Variants in PTN observed in about 807,000 individuals in gnomAD.
PTN encodes the protein pleiotrophin, also known as heparin affin regulatory protein.
PTN carries 18 observed loss-of-function variants against 24.1 expected under a neutral mutation model. The ratio of observed to expected loss-of-function variants is 0.75; its 90% CI spans 0.52 to 1.11. The LOEUF is 1.11. Ranked by LOEUF, PTN falls within the 50% of genes least tolerant of loss-of-function variation. PTN has a pLI of 0.00. For synonymous variants in PTN, 78 were observed against 68.6 expected (o/e 1.14, Z -0.67); for missense variants, 163 against 198.8 (o/e 0.82, Z 1.08).
At chr7:137,228,164 T>C in intron 4 of PTN, 89 bp from the exon 5 acceptor site, 2 of 817,288 alleles carry the variant, frequency 2.4e-6, no homozygotes, top group Non-Finnish European at 4.1e-6. Flanking sequence ...ACATTTCTTA[T>C]AATTGACCAG....
At chr7:137,313,114 T>C (rs1486697339) in intron 1 of PTN, among the ~76,000 whole-genome samples, 2 of 151,964 alleles carry the variant, frequency 1.3e-5, no homozygotes, top group African/African-American at 4.8e-5. Flanking sequence ...TGAGCCCTCC[T>C]GGCAGCCCTC....
chr7:137,239,296 T>C lies in PTN; in HGVS notation c.452-11221A>G, dbSNP rs192903661. Among the ~76,000 whole-genome samples the C allele has an allele frequency of 1.8e-4, 27 of 152,380 alleles. 1 individual carries two copies. Among genetic ancestry groups the C allele is most frequent in the Admixed American group, 1.4e-3 (22 of 15,296 alleles). On this transcript the variant is annotated intron_variant, in intron 4 of 4. Coordinates refer to ENST00000348225, the MANE Select transcript of PTN (RefSeq NM_002825.7). ...GCTAGACCAGGACAATTTAGTTGGA[T>C]ACATCATTCATTCATTCAAGTCAGT...
chr7:137,306,025 A>C (rs1438234430), intron 1 of PTN, among the ~76,000 whole-genome samples: 2 of 152,088 alleles, frequency 1.3e-5, no homozygotes, highest in African/African-American at 4.8e-5. Context: ...TCATGAAAAG[A>C]ACCCAAAAAG....
chr7:137,324,433 A>AAAAAAAAAAAAAAAAAAAATAT, intron 1 of PTN, among the ~76,000 whole-genome samples: 2 of 88,804 alleles, frequency 2.3e-5, no homozygotes, highest in African/African-American at 1.4e-4. Context: ...AAAAAAAAAA[A>AAAAAAAAAAAAAAAAAAAATAT]ATATATATAT....
At chr7:137,267,424 G>A (rs942079311) in intron 1 of PTN, among the ~76,000 whole-genome samples, 2 of 152,078 alleles carry the variant, frequency 1.3e-5, no homozygotes, top group African/African-American at 4.8e-5. Flanking sequence ...AAAACCAGCT[G>A]TAACTGTCTA....
chr7:137,281,680 T>C (rs1809476917), intron 1 of PTN, among the ~76,000 whole-genome samples: 1 of 152,234 alleles, frequency 6.6e-6, no homozygotes, highest in Admixed American at 6.5e-5. Context: ...CATTTGGTAA[T>C]TATTTGCTAA....
intron 4 of PTN, among the ~76,000 whole-genome samples, chr7:137,232,015 G>A (rs1808435012): frequency 6.6e-6 from 1 of 151,894 alleles, no homozygotes; most frequent in Non-Finnish European, 1.5e-5. Context: ...TCATATAGCG[G>A]CTACTCTAGA....
At chr7:137,310,847 T>C (rs1809969883) in intron 1 of PTN, among the ~76,000 whole-genome samples, 2 of 152,340 alleles carry the variant, frequency 1.3e-5, no homozygotes, top group Admixed American at 6.5e-5. Context: ...TTTTATATTA[T>C]GGAGATGGTT....
intron 1 of PTN, among the ~76,000 whole-genome samples, chr7:137,259,174 TTATC>T (rs972476710): frequency 1.3e-5 from 2 of 152,140 alleles, no homozygotes; most frequent in African/African-American, 2.4e-5. Context: ...GAGAATGTGT[TTATC>T]TATTAAATCT....
At chr7:137,334,895 G>C (rs1006084581) in intron 1 of PTN, among the ~76,000 whole-genome samples, 1 of 151,788 alleles carries the variant, frequency 6.6e-6, no homozygotes, top group Non-Finnish European at 1.5e-5. Context: ...CCTTTGTAGG[G>C]ACATGGATGA....
intron 3 of PTN, among the ~76,000 whole-genome samples, chr7:137,251,818 T>G (rs939312137): frequency 6.6e-6 from 1 of 151,898 alleles, no homozygotes; most frequent in Non-Finnish European, 1.5e-5. Context: ...GCTTTTTTAT[T>G]TAGCATAATT....
chr7:137,262,427 T>C (rs1241293567), intron 1 of PTN, among the ~76,000 whole-genome samples: 1 of 152,190 alleles, frequency 6.6e-6, no homozygotes, highest in Non-Finnish European at 1.5e-5. Context: ...TTGCTGAGTT[T>C]TCTAATTATA....
At chr7:137,271,515 G>A (rs368829476) in intron 1 of PTN, among the ~76,000 whole-genome samples, 8 of 152,272 alleles carry the variant, frequency 5.3e-5, no homozygotes, top group East Asian at 1.9e-4. Flanking sequence ...ACAAGTATTC[G>A]AAGGAAATAC....
intron 4 of PTN, among the ~76,000 whole-genome samples, chr7:137,239,387 T>TTTAG (rs933299445): frequency 4.5e-5 from 5 of 110,484 alleles, no homozygotes; most frequent in Admixed American, 2.0e-4. Flanking sequence ...TATTTATTTA[T>TTTAG]TTATTTATTT....
chr7:137,295,519 TCCGAA>T (rs1269523340), intron 1 of PTN, among the ~76,000 whole-genome samples: 5 of 151,992 alleles, frequency 3.3e-5, no homozygotes, highest in Non-Finnish European at 7.4e-5. Flanking sequence ...ATGTGGCTAG[TCCGAA>T]TGGAGACATG....
At chr7:137,241,439 T>C (rs1372326049) in intron 4 of PTN, among the ~76,000 whole-genome samples, 2 of 152,210 alleles carry the variant, frequency 1.3e-5, no homozygotes, top group East Asian at 3.9e-4. Flanking sequence ...ATCACTTTTG[T>C]TGTAATCACC....
chr7:137,301,808 AT>A (rs1809810686), intron 1 of PTN, among the ~76,000 whole-genome samples: 1 of 151,918 alleles, frequency 6.6e-6, no homozygotes, highest in Admixed American at 6.6e-5. Flanking sequence ...TTGCTTTTTG[AT>A]TAATGTAAAA....
chr7:137,310,017 C>T (rs1048190785), intron 1 of PTN, among the ~76,000 whole-genome samples: 2 of 152,114 alleles, frequency 1.3e-5, no homozygotes, highest in African/African-American at 4.8e-5. Flanking sequence ...GCAGCTATAG[C>T]CTGCAAAATG....
intron 1 of PTN, among the ~76,000 whole-genome samples, chr7:137,297,222 T>C (rs1809732189): frequency 1.3e-5 from 2 of 152,250 alleles, no homozygotes; most frequent in South Asian, 4.1e-4. Context: ...ATCATTTCAC[T>C]CACATAAGCA....
Sources: gnomAD v4.1 joint callset for allele counts (sites outside exome capture counted in the v4.1 genomes callset) on GRCh38, gnomAD v4.1.1 for gene constraint, MANE v1.5 for transcripts, NCBI Gene and HGNC (gene_info 2026-07-23, HGNC 2026-07-21) for gene names.